The following ZNF831 variants were observed in gnomAD, a reference collection of about 807,000 sequenced individuals.
ZNF831 encodes the protein zinc finger protein 831, also known as chromosome 20 open reading frame 174.
Under a neutral mutation model 95.8 loss-of-function variants are expected in ZNF831, and 59 were observed. The ratio of observed to expected loss-of-function variants is 0.62; its 90% CI spans 0.50 to 0.77. The LOEUF (loss-of-function observed/expected upper bound fraction) is 0.77, where lower values mean the gene tolerates loss of function less well. Ranked by LOEUF, ZNF831 falls within the 30% of genes least tolerant of loss-of-function variation. ZNF831 has a pLI of 0.00. For missense variants in ZNF831, 2,205 were observed against 2,164.0 expected (o/e 1.02, Z -0.38); for synonymous variants, 961 against 925.5 (o/e 1.04, Z -0.70).
chr20:59,178,044 C>T (rs558301765), intron 1 of ZNF831, among the ~76,000 whole-genome samples: 47 of 152,274 alleles, frequency 3.1e-4, no homozygotes, highest in South Asian at 1.2e-3. Context: ...TCAACAGATG[C>T]GGCGAGAAGC....
At chr20:59,172,175 T>C (rs1981799624) in intron 1 of ZNF831, among the ~76,000 whole-genome samples, 1 of 152,206 alleles carries the variant, frequency 6.6e-6, no homozygotes, top group Admixed American at 6.5e-5. Context: ...TATGATTTCC[T>C]ATGATATCAT....
rs1988072984 is a variant in ZNF831, at chr20:59,254,393, A to G, written c.4684A>G (p.Thr1562Ala). ...TTCAGATTCGGTTCCACTGGAGTCA[A>G]CTGAAAAAACTCATCTTGAAATACC... ...RISDSVPLES[T>A]EKTHLEIPAS... Residue 1562 changes from threonine (T) to alanine (A), a missense_variant, in exon 6 of 6, where the codon ACT becomes GCT. Thr to Ala is a moderately conservative substitution (Grantham distance 58). Transcript: ENST00000371030. The surrounding 1 kb of genome is among the most constrained non-coding windows in gnomAD (Gnocchi z 4.5). 1 of 1,614,052 alleles carries G rather than the reference A, an allele frequency of 6.2e-7. No homozygotes were observed. Among genetic ancestry groups the G allele is most frequent in the African/African-American group, 1.3e-5 (1 of 74,920 alleles).
At chr20:59,149,656 G>T (rs993501327) in intron 2 of ZNF831, among the ~76,000 whole-genome samples, 1 of 152,228 alleles carries the variant, frequency 6.6e-6, no homozygotes, top group Non-Finnish European at 1.5e-5. Flanking sequence ...GAGAGAGGCT[G>T]CAGAGCCCCT....
rs1260657661 is a variant in ZNF831 at position 59,258,367 on chromosome 20, T to G, written c.*3624T>G. 6.6e-6 allele frequency: 1 copy of G among 152,666 alleles called. No homozygotes were observed. The highest frequency in any genetic ancestry group is 1.5e-5 in the Non-Finnish European group (1 of 68,046). 9.5% of individuals were successfully genotyped at this position (152,666 alleles called of 1,614,324 possible). On this transcript the variant is annotated 3_prime_UTR_variant, in exon 6 of 6. Coordinates refer to ENST00000371030, the MANE Select transcript of ZNF831 (RefSeq NM_178457.3). Reference sequence around the variant, plus strand: ...CATGAAAGATAAACAATTTGCAGTCTCATGCCAAAAAGTATTTCCTTGCAT... The same window carrying G: ...CATGAAAGATAAACAATTTGCAGTCGCATGCCAAAAAGTATTTCCTTGCAT...
Position 59,194,638 on chromosome 20 carries a change from T to C in ZNF831, c.3619T>C (p.Leu1207=), listed in dbSNP as rs766326961. ...EQKAKAASVY[L]AVHFPGSSLR... ...GAAGGCAAAGGCGGCATCTGTGTAC[T>C]TGGCGGTGCACTTTCCTGGTAGCAG... The change falls in exon 2 of 6, where the codon TTG becomes CTG. Residue 1207 remains leucine (L), a synonymous_variant. Transcript: ENST00000371030. 1.9e-5 allele frequency: 31 copies of C among 1,613,484 alleles called. No homozygotes were observed. Among genetic ancestry groups the C allele is most frequent in the Non-Finnish European group, 2.5e-5 (29 of 1,179,884 alleles).
rs751452458 is a variant in ZNF831 at position 59,191,354 on chromosome 20, C to T, written c.335C>T (p.Thr112Met). ...PTQVGKPAAP[T>M]LTVNIVGTLP... ...CAGGTGGGGAAGCCGGCGGCCCCTA[C>T]GCTGACGGTGAACATCGTGGGCACT... Residue 112 changes from threonine (T) to methionine (M), a missense_variant, in exon 2 of 6, where the codon ACG becomes ATG. Physicochemically the swap from Thr to Met is moderately conservative, Grantham distance 81 (BLOSUM62 -1). Coordinates refer to ENST00000371030, the MANE Select transcript of ZNF831 (RefSeq NM_178457.3). The T allele has an allele frequency of 8.1e-6, 13 of 1,607,850 alleles. No individual in the cohort carries two copies. The South Asian group carries it at 1.1e-4, about 14-fold the overall frequency.
At chr20:59,246,010 T>C (rs1987579485) in intron 4 of ZNF831, among the ~76,000 whole-genome samples, 1 of 152,200 alleles carries the variant, frequency 6.6e-6, no homozygotes, top group African/African-American at 2.4e-5. Flanking sequence ...GGCACAAAGG[T>C]AGACATTGGC....
At chr20:59,136,155 A>C (rs1979503021) in intron 1 of ZNF831, among the ~76,000 whole-genome samples, 1 of 152,112 alleles carries the variant, frequency 6.6e-6, no homozygotes, top group South Asian at 2.1e-4. Context: ...TCCTTGGCTC[A>C]TGGCCCCCTT....
In ZNF831 at chr20:59,164,218, T is replaced by G. The variant is rs1197059554; in HGVS notation, c.-37+11T>G. On this transcript the variant is annotated intron_variant, in intron 1 of 5. Transcript: ENST00000371030. ...CCACTGTTTATAAAGGTATGTAACA[T>G]GCTCCATGACATAAGCATATATAAA... 6.6e-6 allele frequency among the ~76,000 whole-genome samples: 1 copy of G among 152,168 alleles called. No individual in the cohort carries two copies. Among genetic ancestry groups the G allele is most frequent in the Non-Finnish European group, 1.5e-5 (1 of 68,040 alleles).
chr20:59,184,403 C>A (rs1174910106), intron 1 of ZNF831, among the ~76,000 whole-genome samples: 1 of 151,630 alleles, frequency 6.6e-6, no homozygotes, highest in Admixed American at 6.6e-5. Flanking sequence ...CTCTTCCTCC[C>A]TCCCCCCTTT....
At chr20:59,167,201 C>T (rs868548836) in intron 1 of ZNF831, among the ~76,000 whole-genome samples, 197 of 152,232 alleles carry the variant, frequency 1.3e-3, no homozygotes, top group African/African-American at 4.4e-3. Context: ...AACACCTTTT[C>T]GTGTGCTTAT....
chr20:59,233,735 T>C (rs1986859369), intron 4 of ZNF831, among the ~76,000 whole-genome samples: 1 of 152,222 alleles, frequency 6.6e-6, no homozygotes, highest in African/African-American at 2.4e-5. Flanking sequence ...ATCACTCCTC[T>C]GCTTTATCCC....
upstream of ZNF831, among the ~76,000 whole-genome samples, chr20:59,162,212 A>T (rs1015491757): frequency 2.6e-5 from 4 of 152,192 alleles, no homozygotes; most frequent in African/African-American, 9.7e-5. Flanking sequence ...TTGTCTGTTT[A>T]CATTGTTGAT....
intron 3 of ZNF831, among the ~76,000 whole-genome samples, chr20:59,201,153 A>AT (rs1233979074): frequency 8.6e-5 from 13 of 151,918 alleles, no homozygotes; most frequent in Admixed American, 7.9e-4. Context: ...TGGTATGGTA[A>AT]TTTTTTTTAG....
chr20:59,142,724 T>G (rs1328950513), intron 1 of ZNF831, among the ~76,000 whole-genome samples: 1 of 152,206 alleles, frequency 6.6e-6, no homozygotes, highest in African/African-American at 2.4e-5. Flanking sequence ...GCTTTTCTGT[T>G]TTCATTATGG....
In ZNF831 at chr20:59,201,664, G is replaced by A. The variant is rs141166835; in HGVS notation, c.3876-5241G>A. On this transcript the variant is annotated intron_variant, in intron 3 of 5. Coordinates refer to ENST00000371030, the MANE Select transcript of ZNF831 (RefSeq NM_178457.3). ...TTACATATGGTGTGATGTATGGATC[G>A]AAGTTCTTATTTTTGTGTGTGGATA... Among the ~76,000 whole-genome samples, 747 of 152,156 alleles carry A rather than the reference G, an allele frequency of 4.9e-3. 5 individuals are homozygous for A. Among genetic ancestry groups the A allele is most frequent in the African/African-American group, 0.017 (713 of 41,506 alleles).
intron 2 of ZNF831, chr20:59,195,661 G>A (rs1212461035): frequency 5.1e-6 from 3 of 593,478 alleles, no homozygotes; most frequent in Non-Finnish European, 4.2e-6. Context: ...TGCGGATCAA[G>A]CCCAGGCGGG....
chr20:59,137,853 G>A (rs1979559513), intron 1 of ZNF831, among the ~76,000 whole-genome samples: 1 of 152,138 alleles, frequency 6.6e-6, no homozygotes, highest in Non-Finnish European at 1.5e-5. Context: ...TTCAATTCCT[G>A]TGTCATTTCT....
At chr20:59,177,647 T>C (rs145151099) in intron 1 of ZNF831, among the ~76,000 whole-genome samples, 1 of 152,292 alleles carries the variant, frequency 6.6e-6, no homozygotes, top group East Asian at 1.9e-4. Flanking sequence ...CTGGCCCATC[T>C]CATTTAAAAT....
Sources: allele counts gnomAD v4.1 joint callset (sites outside exome capture counted in the v4.1 genomes callset), GRCh38; gene constraint gnomAD v4.1.1; non-coding constraint Gnocchi (gnomAD v3.1); transcripts MANE v1.5; gene names NCBI Gene and HGNC (gene_info 2026-07-23, HGNC 2026-07-21).